Variants in PDE4D observed in about 807,000 individuals in gnomAD.
PDE4D encodes the protein 3',5'-cyclic-AMP phosphodiesterase 4D.
PDE4D carries 24 observed loss-of-function variants against 87.4 expected under a neutral mutation model. That is an observed-to-expected ratio of 0.27 (90% CI 0.20 to 0.39). The LOEUF (loss-of-function observed/expected upper bound fraction) is 0.39. Among genes scored for constraint, PDE4D ranks in the 10% least tolerant of loss-of-function variants. PDE4D has a pLI of 1.00. For missense variants in PDE4D, 714 were observed against 1,041.0 expected (o/e 0.69, Z 4.32); for synonymous variants, 384 against 383.2 (o/e 1.00, Z -0.02).
rs538728984 is a variant in PDE4D, at chr5:59,926,825, G to C, written c.272+61663C>G. 3.9e-5 allele frequency among the ~76,000 whole-genome samples: 6 copies of C among 152,264 alleles called. No individual in the cohort carries two copies. In the East Asian group the frequency reaches 1.2e-3, roughly 29 times the overall value. On this transcript the variant is annotated intron_variant, in intron 3 of 16. Coordinates refer to the PDE4D transcript ENST00000502484. Reference sequence around the variant, plus strand: ...ATACAACCTACCAAGATTGAACCATGAAGTCCAAAATCCAAATAGACCAAT... The same window carrying C: ...ATACAACCTACCAAGATTGAACCATCAAGTCCAAAATCCAAATAGACCAAT...
At chr5:59,216,185 C>T (rs971627679) in intron 1 of PDE4D, among the ~76,000 whole-genome samples, 1 of 152,132 alleles carries the variant, frequency 6.6e-6, no homozygotes, top group Non-Finnish European at 1.5e-5. Context: ...GTTAACTGAC[C>T]AGATACAAGA....
chr5:59,498,947 C>G (rs1272442773), intron 1 of PDE4D, among the ~76,000 whole-genome samples: 1 of 151,994 alleles, frequency 6.6e-6, no homozygotes, highest in Non-Finnish European at 1.5e-5. Context: ...ATAGAATACT[C>G]CACCCAACAA....
At chr5:59,312,721 A>C (rs1257874133) in intron 1 of PDE4D, among the ~76,000 whole-genome samples, 1 of 152,190 alleles carries the variant, frequency 6.6e-6, no homozygotes, top group Non-Finnish European at 1.5e-5. Flanking sequence ...CTATGCCACA[A>C]ATCCTCAAAT....
intron 11 of PDE4D, among the ~76,000 whole-genome samples, chr5:58,984,660 T>C (rs919725183): frequency 1.4e-4 from 22 of 152,198 alleles, no homozygotes; most frequent in African/African-American, 2.2e-4. Flanking sequence ...TTAACCTTAA[T>C]ATAATGAAAT....
chr5:59,634,704 A>G (rs1006485610), intron 1 of PDE4D, among the ~76,000 whole-genome samples: 16 of 152,222 alleles, frequency 1.1e-4, no homozygotes, highest in African/African-American at 3.6e-4. Flanking sequence ...CAAACATACA[A>G]TGTACCAGAA....
intron 1 of PDE4D, among the ~76,000 whole-genome samples, chr5:59,820,103 G>T (rs1769459401): frequency 6.6e-6 from 1 of 152,130 alleles, no homozygotes; most frequent in South Asian, 2.1e-4. Context: ...AGATGCTATG[G>T]GTGGGGGCTT....
chr5:59,676,178 A>G (rs1384411020), intron 1 of PDE4D, among the ~76,000 whole-genome samples: 1 of 152,146 alleles, frequency 6.6e-6, no homozygotes, highest in Non-Finnish European at 1.5e-5. Flanking sequence ...AAGCAAGGAG[A>G]GTGCAAACTG....
chr5:59,738,845 T>C (rs1758451548), intron 1 of PDE4D, among the ~76,000 whole-genome samples: 2 of 152,140 alleles, frequency 1.3e-5, no homozygotes, highest in South Asian at 4.1e-4. Context: ...TTTTTATCCT[T>C]TTCAATCTGT....
chr5:59,644,715 C>T (rs947574133), intron 1 of PDE4D, among the ~76,000 whole-genome samples: 3 of 152,130 alleles, frequency 2.0e-5, no homozygotes, highest in African/African-American at 4.8e-5. Context: ...TGTATCTGTA[C>T]GTGTATTTTA....
chr5:58,990,196 T>G lies in PDE4D; in HGVS notation c.1288-277A>C, dbSNP rs371550852. Among the ~76,000 whole-genome samples the G allele has an allele frequency of 4.7e-4, 71 of 152,292 alleles. 1 individual carries two copies. Among genetic ancestry groups the G allele is most frequent in the African/African-American group, 1.6e-3 (68 of 41,552 alleles). On this transcript the variant is annotated intron_variant, in intron 9 of 14. Transcript: ENST00000340635. ...GAGGTGCCAACTCTAAAAGTTTCTA[T>G]GTCCCATTATCATGGAGGCAGCTCC...
chr5:59,691,386 A>G (rs1750893045), intron 1 of PDE4D, among the ~76,000 whole-genome samples: 1 of 152,186 alleles, frequency 6.6e-6, no homozygotes, highest in Non-Finnish European at 1.5e-5. Context: ...AATACTATGC[A>G]GCCATAAAAA....
At chr5:59,587,997 A>T (rs536154642) in intron 1 of PDE4D, among the ~76,000 whole-genome samples, 8 of 150,938 alleles carry the variant, frequency 5.3e-5, no homozygotes, top group East Asian at 1.9e-4. Flanking sequence ...TTCACTCCTT[A>T]AAAAAAAAGC....
At chr5:59,494,050 A>G (rs1806696833) in intron 1 of PDE4D, among the ~76,000 whole-genome samples, 1 of 152,246 alleles carries the variant, frequency 6.6e-6, no homozygotes, top group African/African-American at 2.4e-5. Context: ...CTTTGACCCT[A>G]GTAACCCCAA....
At chr5:60,467,696 C>T (rs755216180) in intron 1 of PDE4D, among the ~76,000 whole-genome samples, 52 of 152,136 alleles carry the variant, frequency 3.4e-4, no homozygotes, top group African/African-American at 8.5e-4. Context: ...GAAAAGAGGT[C>T]CGATTAACTC....
At chr5:59,137,810 G>A (rs771977198) in intron 5 of PDE4D, among the ~76,000 whole-genome samples, 1 of 152,222 alleles carries the variant, frequency 6.6e-6, no homozygotes, top group African/African-American at 2.4e-5. Flanking sequence ...ACAGGCGTAA[G>A]CCACCACGCC....
At chr5:59,794,206 A>G (rs1347436768) in intron 1 of PDE4D, among the ~76,000 whole-genome samples, 2 of 151,868 alleles carry the variant, frequency 1.3e-5, no homozygotes, top group Non-Finnish European at 2.9e-5. Context: ...TCTCTGAGGT[A>G]ATTCAACAAG....
At chr5:59,060,222 C>G (rs1489864533) in intron 5 of PDE4D, among the ~76,000 whole-genome samples, 1 of 152,114 alleles carries the variant, frequency 6.6e-6, no homozygotes, top group African/African-American at 2.4e-5. Context: ...CTACACCTCA[C>G]AGTGCAATAA....
intron 1 of PDE4D, among the ~76,000 whole-genome samples, chr5:60,342,210 C>T (rs1038959963): frequency 2.0e-5 from 3 of 152,142 alleles, no homozygotes; most frequent in Admixed American, 6.5e-5. Flanking sequence ...TTGGTTTTCT[C>T]AGCTGTAAAA....
chr5:60,439,426 A>G (rs1389482257), intron 1 of PDE4D, among the ~76,000 whole-genome samples: 1 of 152,056 alleles, frequency 6.6e-6, no homozygotes, highest in Non-Finnish European at 1.5e-5. Flanking sequence ...ACTGCATGAC[A>G]AGCACCCACA....
Sources: allele counts gnomAD v4.1 joint callset (sites outside exome capture counted in the v4.1 genomes callset), GRCh38; gene constraint gnomAD v4.1.1; transcripts MANE v1.5; gene names NCBI Gene and HGNC (gene_info 2026-07-23, HGNC 2026-07-21).